CAPRIN1: variants seen among roughly 807,000 people sequenced by gnomAD.
The protein encoded by CAPRIN1 is caprin-1.
Under a neutral mutation model 100.9 loss-of-function variants are expected in CAPRIN1, and 29 were observed. The ratio of observed to expected loss-of-function variants is 0.29; its 90% CI spans 0.21 to 0.39. The LOEUF (loss-of-function observed/expected upper bound fraction) is 0.39, where lower values mean the gene tolerates loss of function less well. Among genes scored for constraint, CAPRIN1 ranks in the 10% least tolerant of loss-of-function variants. The probability of loss-of-function intolerance (pLI) is 1.00; values close to 1 mark genes in which losing one functional copy is unlikely to be tolerated. For synonymous variants in CAPRIN1, 338 were observed against 307.5 expected (o/e 1.10, Z -1.04); for missense variants, 795 against 876.7 (o/e 0.91, Z 1.18).
chr11:34,082,254 C>G (rs905665478), intron 7 of CAPRIN1, among the ~76,000 whole-genome samples: 1 of 152,098 alleles, frequency 6.6e-6, no homozygotes, highest in South Asian at 2.1e-4. Context: ...ATGGCCTGAT[C>G]TCGGCTCACT....
chr11:34,091,723 A>T, intron 14 of CAPRIN1, 183 bp from the exon 15 acceptor site: 2 of 582,114 alleles, frequency 3.4e-6, no homozygotes, highest in Non-Finnish European at 6.1e-6. Flanking sequence ...ACTATATGGT[A>T]TATATGTCTT....
intron 11 of CAPRIN1, 55 bp downstream of exon 11, chr11:34,086,468 G>T (rs560965021): frequency 7.9e-5 from 80 of 1,009,642 alleles, no homozygotes; most frequent in Middle Eastern, 2.1e-4. Flanking sequence ...GTACTTTCAG[G>T]TTTTAAAAAG....
intron 15 of CAPRIN1, among the ~76,000 whole-genome samples, chr11:34,094,888 C>T (rs1399996652): frequency 6.6e-6 from 1 of 151,814 alleles, no homozygotes; most frequent in Non-Finnish European, 1.5e-5. Context: ...TTCCTTTTTC[C>T]TTTCATTTTT....
intron 7 of CAPRIN1, among the ~76,000 whole-genome samples, chr11:34,081,079 G>A (rs1438015730): frequency 1.3e-5 from 2 of 151,790 alleles, no homozygotes; most frequent in Non-Finnish European, 2.9e-5. Flanking sequence ...AAGTAATTCT[G>A]GAATAAATGG....
At chr11:34,074,574 C>A (rs16925117) in intron 4 of CAPRIN1, among the ~76,000 whole-genome samples, 1 of 152,110 alleles carries the variant, frequency 6.6e-6, no homozygotes, top group African/African-American at 2.4e-5. Context: ...TGTTTCCTGC[C>A]TCCACCTACC....
chr11:34,090,470 CTTTT>C, intron 13 of CAPRIN1, 55 bp from the exon 14 acceptor site: 1 of 1,570,354 alleles, frequency 6.4e-7, no homozygotes, highest in Non-Finnish European at 8.7e-7. Context: ...CATCTGTTCA[CTTTT>C]TGTTTGGCTA....
At chr11:34,067,861 A>ATGTTCCATGAAGATG (rs1382134079) in intron 2 of CAPRIN1, among the ~76,000 whole-genome samples, 2 of 152,152 alleles carry the variant, frequency 1.3e-5, no homozygotes, top group East Asian at 3.9e-4. Context: ...TTTTGTCATA[A>ATGTTCCATGAAGATG]TGTTCCATGA....
rs910911569 is a variant in CAPRIN1, at chr11:34,102,167, A to C, written c.*2800A>C. ...TCTTACGTGGGAGACTTTTCCACTT[A>C]AAGGAGACATAGAATGTGTGCTTAT... On this transcript the variant is annotated 3_prime_UTR_variant, in exon 19 of 19. Transcript: ENST00000341394. Among the ~76,000 whole-genome samples, 1 of 152,224 alleles carries C rather than the reference A, an allele frequency of 6.6e-6. No homozygotes were observed. The highest frequency in any genetic ancestry group is 1.5e-5 in the Non-Finnish European group (1 of 68,032).
At chr11:34,075,931 C>T (rs754930267) in intron 4 of CAPRIN1, among the ~76,000 whole-genome samples, 2 of 152,118 alleles carry the variant, frequency 1.3e-5, no homozygotes, top group Non-Finnish European at 2.9e-5. Flanking sequence ...CATATAAATC[C>T]ACATTCATTT....
chr11:34,058,290 C>A (rs573086440), intron 2 of CAPRIN1, among the ~76,000 whole-genome samples: 9 of 152,196 alleles, frequency 5.9e-5, no homozygotes, highest in African/African-American at 1.9e-4. Context: ...GTGCATGCCA[C>A]CACGCCCAGC....
chr11:34,090,620 A>G lies in CAPRIN1; in HGVS notation c.1496A>G (p.Lys499Arg), dbSNP rs756688539. Residue 499 changes from lysine (K) to arginine (R), a missense_variant, in exon 14 of 19, where the codon AAA becomes AGA. This residue lies in a region of CAPRIN1 where 648 missense variants were observed against 697.9 expected (regional missense o/e 0.93). Transcript: ENST00000341394. ...CAAGTATTTCAGGCTGGGACAAGCA[A>G]ACCTTTACATAGCAGTGGAATCAAT... Reference protein sequence around the residue: ...QPQVFQAGTSKPLHSSGINVN... With the variant: ...QPQVFQAGTSRPLHSSGINVN... 2 of 1,614,194 alleles carry G rather than the reference A, an allele frequency of 1.2e-6. No individual in the cohort carries two copies.
intron 2 of CAPRIN1, chr11:34,055,727 A>G (rs563822256): frequency 6.6e-6 from 1 of 152,342 alleles, no homozygotes; most frequent in East Asian, 1.9e-4. Context: ...TGGAGATTCA[A>G]CAAACTGCAC....
intron 4 of CAPRIN1, among the ~76,000 whole-genome samples, chr11:34,072,948 A>G (rs1373845592): frequency 6.6e-6 from 1 of 152,220 alleles, no homozygotes; most frequent in African/African-American, 2.4e-5. Context: ...CATGCTGTAC[A>G]CATTTGTAGT....
chr11:34,072,561 T>G lies in CAPRIN1; in HGVS notation c.366+574T>G, dbSNP rs539312290. 5.3e-5 allele frequency among the ~76,000 whole-genome samples: 8 copies of G among 152,328 alleles called. No individual in the cohort carries two copies. In the South Asian group the frequency reaches 1.7e-3, roughly 32 times the overall value. ...GAGGCTCGTTTATATAATTGGTAAT[T>G]ATTCTCTGCTTTAGGAACCTTAAGG... On this transcript the variant is annotated intron_variant, in intron 4 of 18. Coordinates refer to ENST00000341394, the MANE Select transcript of CAPRIN1 (RefSeq NM_005898.5).
At chr11:34,062,108 G>T (rs1055063468) in intron 2 of CAPRIN1, among the ~76,000 whole-genome samples, 8 of 152,168 alleles carry the variant, frequency 5.3e-5, no homozygotes, top group Non-Finnish European at 8.8e-5. Context: ...GGATTGTAGT[G>T]TATGTTCTTT....
intron 2 of CAPRIN1, among the ~76,000 whole-genome samples, chr11:34,060,154 C>A (rs1291536287): frequency 2.1e-5 from 3 of 143,498 alleles, no homozygotes; most frequent in Non-Finnish European, 4.5e-5. Flanking sequence ...CGAGATCGCG[C>A]CACTGTTCTT....
intron 4 of CAPRIN1, among the ~76,000 whole-genome samples, chr11:34,075,444 C>T (rs974262366): frequency 2.9e-4 from 44 of 152,172 alleles, no homozygotes; most frequent in African/African-American, 9.9e-4. Flanking sequence ...GCTTTCCTTT[C>T]AGCCTTTCCA....
At chr11:34,076,739 T>TTG (rs1183791730) in intron 6 of CAPRIN1, 97 bp downstream of exon 6, 1 of 834,962 alleles carries the variant, frequency 1.2e-6, no homozygotes, top group Non-Finnish European at 1.9e-6. Flanking sequence ...AAAATTAGTT[T>TTG]TTTTTTTTTT....
intron 2 of CAPRIN1, among the ~76,000 whole-genome samples, chr11:34,070,676 A>G (rs111923843): frequency 0.1 from 15,516 of 151,114 alleles, 853 homozygotes; most frequent in African/African-American, 0.15. Context: ...GATTACAGGC[A>G]GGAGCCACCG....
Sources: gnomAD v4.1 joint callset for allele counts (sites outside exome capture counted in the v4.1 genomes callset) on GRCh38, gnomAD v4.1.1 for gene constraint, gnomAD v4.1.1 regional missense constraint, MANE v1.5 for transcripts, NCBI Gene and HGNC (gene_info 2026-07-23, HGNC 2026-07-21) for gene names.